The following PDE4B variants were observed in gnomAD, a reference collection of about 807,000 sequenced individuals.
The protein encoded by PDE4B is 3',5'-cyclic-AMP phosphodiesterase 4B.
In PDE4B, 20 loss-of-function variants were observed where a neutral mutation model predicts 82.2. The observed-to-expected ratio is 0.24, with a 90% confidence interval of 0.17 to 0.35. The LOEUF (loss-of-function observed/expected upper bound fraction) is 0.35. Among genes scored for constraint, PDE4B ranks in the 10% least tolerant of loss-of-function variants. PDE4B has a pLI of 1.00. For missense variants in PDE4B, 655 were observed against 907.2 expected, an observed-to-expected ratio of 0.72 and a Z score of 3.57; for synonymous variants, 320 against 318.9, an observed-to-expected ratio of 1.00 and a Z score of -0.04.
intron 1 of PDE4B, among the ~76,000 whole-genome samples, chr1:65,847,015 C>A (rs1241992706): frequency 6.6e-6 from 1 of 152,124 alleles, no homozygotes; most frequent in Non-Finnish European, 1.5e-5. Context: ...TTCTTGTTGA[C>A]CACATTATCT....
intron 3 of PDE4B, among the ~76,000 whole-genome samples, chr1:66,129,110 T>C (rs901925744): frequency 3.3e-5 from 5 of 152,244 alleles, no homozygotes; most frequent in African/African-American, 1.2e-4. Flanking sequence ...TTGTAGTAGT[T>C]GGCCTTGCCC....
chr1:65,970,586 G>T (rs1023505476), intron 3 of PDE4B, among the ~76,000 whole-genome samples: 1 of 152,228 alleles, frequency 6.6e-6, no homozygotes, highest in East Asian at 1.9e-4. Flanking sequence ...TCAACTGGGG[G>T]AAATAGATAT....
At chr1:66,183,679 T>C (rs1057480442) in intron 3 of PDE4B, among the ~76,000 whole-genome samples, 2 of 152,318 alleles carry the variant, frequency 1.3e-5, no homozygotes, top group East Asian at 3.9e-4. Context: ...TATCACCATG[T>C]TTTCCAATCC....
At chr1:66,187,318 T>G (rs144037840) in intron 3 of PDE4B, among the ~76,000 whole-genome samples, 19,270 of 151,734 alleles carry the variant, frequency 0.13, 1,415 homozygotes, top group Non-Finnish European at 0.17. Context: ...TCTCTGCCAG[T>G]CTTTGGTATC....
chr1:65,898,746 G>T (rs1646938873), intron 1 of PDE4B, among the ~76,000 whole-genome samples: 1 of 152,108 alleles, frequency 6.6e-6, no homozygotes, highest in Non-Finnish European at 1.5e-5. Flanking sequence ...AGGGTGCTGG[G>T]ATAATTGGCT....
chr1:66,054,541 C>T (rs1206513586), intron 3 of PDE4B, among the ~76,000 whole-genome samples: 2 of 151,948 alleles, frequency 1.3e-5, no homozygotes, highest in African/African-American at 4.8e-5. Flanking sequence ...CTCATGCTTT[C>T]ATTCCTAATT....
rs900189405 is a variant in PDE4B at position 66,173,842 on chromosome 1, G to A, written c.282-73618G>A. Among the ~76,000 whole-genome samples, 9 of 152,314 alleles carry A rather than the reference G, an allele frequency of 5.9e-5. No homozygotes were observed. In the East Asian group the frequency reaches 1.5e-3, roughly 26 times the overall value. On this transcript the variant is annotated intron_variant, in intron 3 of 16. Transcript: ENST00000341517. Reference sequence around the variant, plus strand: ...GCTGTGTCACCCAGGCTGGACTACAGTGGTTTGATCACTGCTCACTGCAAC... The same window carrying A: ...GCTGTGTCACCCAGGCTGGACTACAATGGTTTGATCACTGCTCACTGCAAC...
chr1:66,254,841 GT>G (rs1354985141), intron 4 of PDE4B, among the ~76,000 whole-genome samples: 1 of 152,038 alleles, frequency 6.6e-6, no homozygotes, highest in Non-Finnish European at 1.5e-5. Flanking sequence ...TTACCTATTG[GT>G]TCTCATCAGA....
chr1:65,822,800 C>T (rs1258925893), intron 1 of PDE4B, among the ~76,000 whole-genome samples: 1 of 152,144 alleles, frequency 6.6e-6, no homozygotes, highest in Non-Finnish European at 1.5e-5. Context: ...GACACTGAAC[C>T]TGCCAGTGTC....
intron 3 of PDE4B, among the ~76,000 whole-genome samples, chr1:66,028,603 C>T (rs2100790335): frequency 6.6e-6 from 1 of 152,258 alleles, no homozygotes; most frequent in South Asian, 2.1e-4. Context: ...CTCTGCTTCC[C>T]TTATAAAATT....
chr1:66,142,686 T>C (rs1293215462), intron 3 of PDE4B, among the ~76,000 whole-genome samples: 1 of 152,290 alleles, frequency 6.6e-6, no homozygotes, highest in Non-Finnish European at 1.5e-5. Context: ...ATACAGAGCA[T>C]TTGCATCATG....
intron 3 of PDE4B, among the ~76,000 whole-genome samples, chr1:66,091,361 C>T (rs1645019976): frequency 6.6e-6 from 1 of 151,914 alleles, no homozygotes; most frequent in African/African-American, 2.4e-5. Context: ...CAGAAGAAAG[C>T]CCTCCTAAAG....
intron 6 of PDE4B, among the ~76,000 whole-genome samples, chr1:66,263,315 A>C (rs1654816586): frequency 1.3e-5 from 2 of 152,248 alleles, no homozygotes; most frequent in African/African-American, 4.8e-5. Context: ...TGAAAGAGCT[A>C]GCCACATAAA....
At chr1:66,305,616 T>G (rs1658216846) in intron 7 of PDE4B, among the ~76,000 whole-genome samples, 2 of 152,172 alleles carry the variant, frequency 1.3e-5, no homozygotes, top group African/African-American at 4.8e-5. Flanking sequence ...CTCCAGCTCC[T>G]TTAAAGCTGT....
intron 3 of PDE4B, among the ~76,000 whole-genome samples, chr1:66,199,701 A>T (rs1272084786): frequency 1.3e-5 from 2 of 151,956 alleles, no homozygotes; most frequent in Non-Finnish European, 1.5e-5. Context: ...TTTAGGCCTT[A>T]AGTAGGAGAT....
At chr1:66,248,912 C>A (rs1653535890) in intron 4 of PDE4B, among the ~76,000 whole-genome samples, 1 of 152,166 alleles carries the variant, frequency 6.6e-6, no homozygotes, top group East Asian at 1.9e-4. Context: ...TATCCCCACT[C>A]CATAGATGAT....
intron 1 of PDE4B, among the ~76,000 whole-genome samples, chr1:65,911,518 C>CT (rs953774896): frequency 4.0e-4 from 59 of 146,724 alleles, no homozygotes; most frequent in African/African-American, 5.2e-4. Flanking sequence ...GGAGTCTGAA[C>CT]TTTTTTTTTT....
chr1:65,839,494 C>T (rs1646182788), intron 1 of PDE4B, among the ~76,000 whole-genome samples: 1 of 152,092 alleles, frequency 6.6e-6, no homozygotes, highest in Non-Finnish European at 1.5e-5. Context: ...TGTTCAACTC[C>T]CACTTATGAG....
chr1:65,949,076 CCTT>C (rs1385903085), intron 3 of PDE4B, among the ~76,000 whole-genome samples: 2 of 152,014 alleles, frequency 1.3e-5, no homozygotes, highest in Non-Finnish European at 2.9e-5. Flanking sequence ...TGGATTATAG[CCTT>C]CTGTCCACCG....
Sources: gnomAD v4.1 joint callset for allele counts (sites outside exome capture counted in the v4.1 genomes callset) on GRCh38, gnomAD v4.1.1 for gene constraint, MANE v1.5 for transcripts, NCBI Gene and HGNC (gene_info 2026-07-23, HGNC 2026-07-21) for gene names.